ANKDD1B: variants seen among roughly 807,000 people sequenced by gnomAD.
ANKDD1B encodes ankyrin repeat and death domain-containing protein 1B.
In ANKDD1B, 57 loss-of-function variants were observed where a neutral mutation model predicts 59.7. The ratio of observed to expected loss-of-function variants is 0.95; its 90% CI spans 0.77 to 1.19. ANKDD1B has a LOEUF of 1.19. ANKDD1B is among the 50% of genes most tolerant of loss of function. The pLI, the probability that ANKDD1B is intolerant of heterozygous loss-of-function variation, is 0.00. For missense variants in ANKDD1B, 602 were observed against 641.9 expected (o/e 0.94, Z 0.67); for synonymous variants, 216 against 239.5 (o/e 0.90, Z 0.91).
At position 75,625,756 on chromosome 5, in the gene ANKDD1B, G is replaced by A; in HGVS notation, c.495+11G>A. The A allele has an allele frequency of 6.5e-7, 1 of 1,535,284 alleles. No homozygotes were observed. Among genetic ancestry groups the A allele is most frequent in the Non-Finnish European group, 8.7e-7 (1 of 1,145,980 alleles). On this transcript the variant is annotated intron_variant, in intron 4 of 13. Transcript: ENST00000601380. ...AGAGCCAAGAATCAGGTAGGTATGTGGGTCACACCTGGACAAAAGCTCTTA... is the reference window on the plus strand; with the variant it reads ...AGAGCCAAGAATCAGGTAGGTATGTAGGTCACACCTGGACAAAAGCTCTTA...
At chr5:75,626,290 T>C (rs2112966177) in intron 5 of ANKDD1B, among the ~76,000 whole-genome samples, 1 of 152,324 alleles carries the variant, frequency 6.6e-6, no homozygotes, top group South Asian at 2.1e-4. Context: ...TACTTGGCCT[T>C]TTGGGAATAT....
chr5:75,623,148 G>T (rs988616343), intron 3 of ANKDD1B, among the ~76,000 whole-genome samples: 1 of 151,920 alleles, frequency 6.6e-6, no homozygotes, highest in African/African-American at 2.4e-5. Flanking sequence ...GCGCAATCTT[G>T]GCTTGCCGCA....
chr5:75,659,341 C>T lies in ANKDD1B; in HGVS notation c.1055C>T (p.Thr352Ile). 3 of 1,536,100 alleles carry T rather than the reference C, an allele frequency of 2.0e-6. No homozygotes were observed. The highest frequency in any genetic ancestry group is 1.7e-6 in the Non-Finnish European group (2 of 1,146,878). Reference protein sequence around the residue: ...ADRGNVELVETLLKAGCDLKA... With the variant: ...ADRGNVELVEILLKAGCDLKA... ...CGTGGAAATGTGGAACTGGTGGAAA[C>T]CCTGCTGAAGGCAGGCTGTGACTTG... Residue 352 changes from threonine (T) to isoleucine (I), a missense_variant, in exon 10 of 14, where the codon ACC becomes ATC. By Grantham distance (89) the Thr-to-Ile change is moderately conservative (BLOSUM62 -1). Around this residue, in one of 3 missense-constraint regions of ANKDD1B, gnomAD observed 280 missense variants for 319.8 expected, o/e 0.88. Transcript: ENST00000601380.
At chr5:75,615,565 GCTA>G (rs931807799) in intron 1 of ANKDD1B, among the ~76,000 whole-genome samples, 1 of 151,998 alleles carries the variant, frequency 6.6e-6, no homozygotes, top group Non-Finnish European at 1.5e-5. Context: ...AGTTCTGGAG[GCTA>G]CAAGTCCAAC....
chr5:75,666,825 G>A lies in ANKDD1B; in HGVS notation c.1225G>A (p.Gly409Ser). Reference protein sequence around the residue: ...HHESIRDPSTGFTLTFKQDHS... With the variant: ...HHESIRDPSTSFTLTFKQDHS... ...TGAGAGCATCAGGGACCCGTCAACA[G>A]GCTTTACTCTGACATTCAAGCAAGA... The change falls in exon 12 of 14, where the codon GGC (glycine) becomes AGC (serine). Residue 409 changes from glycine (G) to serine (S), a missense_variant. Coordinates refer to ENST00000601380, the MANE Select transcript of ANKDD1B (RefSeq NM_001276713.2). 3 of 1,535,942 alleles carry A rather than the reference G, an allele frequency of 2.0e-6. No homozygotes were observed. Among genetic ancestry groups the A allele is most frequent in the Non-Finnish European group, 2.6e-6 (3 of 1,146,830 alleles).
chr5:75,662,056 C>T (rs1427019700), intron 10 of ANKDD1B, among the ~76,000 whole-genome samples: 5 of 152,052 alleles, frequency 3.3e-5, no homozygotes, highest in African/African-American at 4.8e-5. Flanking sequence ...TCAAAAAGCT[C>T]TCAGAGAACC....
intron 5 of ANKDD1B, among the ~76,000 whole-genome samples, chr5:75,631,729 T>C (rs1774165969): frequency 6.6e-6 from 1 of 152,206 alleles, no homozygotes; most frequent in African/African-American, 2.4e-5. Context: ...CTGTAATTTG[T>C]GCCCACATCT....
chr5:75,632,004 G>A (rs543320795), intron 5 of ANKDD1B, among the ~76,000 whole-genome samples: 101 of 151,700 alleles, frequency 6.7e-4, no homozygotes, highest in Non-Finnish European at 1.2e-3. Flanking sequence ...TTACTTAGGA[G>A]GCTGACGCAG....
intron 12 of ANKDD1B, 69 bp from the exon 13 acceptor site, chr5:75,669,183 A>G: frequency 8.2e-7 from 1 of 1,224,872 alleles, no homozygotes. Flanking sequence ...TTTAGTTGGA[A>G]CTGAGATCAC....
chr5:75,632,106 CAAAA>C (rs529570814), intron 5 of ANKDD1B, among the ~76,000 whole-genome samples: 2 of 76,842 alleles, frequency 2.6e-5, no homozygotes, highest in Non-Finnish European at 2.7e-5. Context: ...AACTCTGTCT[CAAAA>C]AAAAAAAAAA....
At chr5:75,662,968 C>T (rs1775199061) in intron 10 of ANKDD1B, among the ~76,000 whole-genome samples, 1 of 152,168 alleles carries the variant, frequency 6.6e-6, no homozygotes, top group African/African-American at 2.4e-5. Flanking sequence ...ATGGCTTCTA[C>T]TTCCTGGTCT....
Position 75,611,515 on chromosome 5 carries a change from T to TGCCTGCGTCCAGCCCC in ANKDD1B, c.-119_-104dup, listed in dbSNP as rs1461148015. ...ATCCTGCGCTCCGGCCGGGCTGACC[T>TGCCTGCGTCCAGCCCC]GCCTGCGTCCAGCCCCCGCGCCCTG... On this transcript the variant is annotated 5_prime_UTR_variant, in exon 1 of 14. Transcript: ENST00000601380. 15 of 773,746 alleles carry TGCCTGCGTCCAGCCCC rather than the reference T, an allele frequency of 1.9e-5. No homozygotes were observed. Among genetic ancestry groups the TGCCTGCGTCCAGCCCC allele is most frequent in the Non-Finnish European group, 2.3e-5 (13 of 570,716 alleles). The allele number at this position is 773,746 out of a possible 1,614,324, so 47.9% of individuals were successfully genotyped here. A position where few individuals can be genotyped will look rare whatever the true frequency, so the allele number is the denominator to read the frequency against.
rs57852660 is a variant in ANKDD1B, at chr5:75,626,782, G to GT, written c.600+839dup. On this transcript the variant is annotated intron_variant, in intron 5 of 13. Coordinates refer to ENST00000601380, the MANE Select transcript of ANKDD1B (RefSeq NM_001276713.2). ...CCCGGAATATCTCCCTCTAGGCCTTGTTTTTTTTTTTTGTTTGTTTGTTTT... is the reference window on the plus strand; with the variant it reads ...CCCGGAATATCTCCCTCTAGGCCTTGTTTTTTTTTTTTTGTTTGTTTGTTTT... Among the ~76,000 whole-genome samples, 288 of 146,526 alleles carry GT rather than the reference G, an allele frequency of 2.0e-3. 1 individual carries two copies. Among genetic ancestry groups the GT allele is most frequent in the East Asian group, 4.6e-3 (23 of 5,016 alleles).
At position 75,635,794 on chromosome 5, in the gene ANKDD1B, C is replaced by G; in HGVS notation, c.710C>G (p.Thr237Ser). The G allele has an allele frequency of 6.5e-7, 1 of 1,530,666 alleles. No individual in the cohort carries two copies. Among genetic ancestry groups the G allele is most frequent in the Non-Finnish European group, 8.8e-7 (1 of 1,142,692 alleles). The allele number at this position is 1,530,666 out of a possible 1,614,324, so 94.8% of individuals were successfully genotyped here. ...HTSEKDKGGN[T>S]ALHLAAKHGH... ...GTGTCTCTGTTGCAGGGGGGAAACA[C>G]TGCCTTGCACCTCGCTGCGAAGCAT... Residue 237 changes from threonine (T) to serine (S), a missense_variant, in exon 7 of 14, where the codon ACT (threonine) becomes AGT (serine). Thr to Ser is a moderately conservative substitution (Grantham distance 58). This residue lies in a region of ANKDD1B where 317 missense variants were observed against 304.6 expected (regional missense o/e 1.04). Coordinates refer to ENST00000601380, the MANE Select transcript of ANKDD1B (RefSeq NM_001276713.2).
chr5:75,666,804 A>G lies in ANKDD1B; in HGVS notation c.1204A>G (p.Ser402Gly). ...ATTTTCACTTTAGGAGCATCATGAGAGCATCAGGGACCCGTCAACAGGCTT... is the reference window on the plus strand; with the variant it reads ...ATTTTCACTTTAGGAGCATCATGAGGGCATCAGGGACCCGTCAACAGGCTT... Reference protein sequence around the residue: ...YYAWREEHHESIRDPSTGFTL... With the variant: ...YYAWREEHHEGIRDPSTGFTL... The change falls in exon 12 of 14, where the codon AGC becomes GGC. Residue 402 changes from serine (S) to glycine (G), a missense_variant. Coordinates refer to ENST00000601380, the MANE Select transcript of ANKDD1B (RefSeq NM_001276713.2). The G allele has an allele frequency of 6.5e-7, 1 of 1,535,012 alleles. No individual in the cohort carries two copies. Among genetic ancestry groups the G allele is most frequent in the Non-Finnish European group, 8.7e-7 (1 of 1,145,980 alleles).
chr5:75,635,598 T>C (rs954336294), intron 6 of ANKDD1B, 186 bp from the exon 7 acceptor site: 1 of 400,510 alleles, frequency 2.5e-6, no homozygotes, highest in African/African-American at 2.1e-5. Flanking sequence ...CAAAAAACTA[T>C]ACCTTTTTAT....
At chr5:75,648,843 T>A (rs997171591) in intron 7 of ANKDD1B, among the ~76,000 whole-genome samples, 1 of 152,206 alleles carries the variant, frequency 6.6e-6, no homozygotes, top group African/African-American at 2.4e-5. Flanking sequence ...GATTGCTGTG[T>A]TTGATCTTGG....
intron 13 of ANKDD1B, among the ~76,000 whole-genome samples, chr5:75,670,037 G>T (rs936935612): frequency 6.6e-6 from 1 of 152,228 alleles, no homozygotes; most frequent in African/African-American, 2.4e-5. Context: ...GAAGATAAAT[G>T]AGTGAACACC....
At chr5:75,659,167 A>C in intron 9 of ANKDD1B, 116 bp from the exon 10 acceptor site, 1 of 712,566 alleles carries the variant, frequency 1.4e-6, no homozygotes, top group Non-Finnish European at 2.5e-6. Context: ...TGAATGCCCC[A>C]GTATCCATTA....
Sources: allele counts gnomAD v4.1 joint callset (sites outside exome capture counted in the v4.1 genomes callset), GRCh38; gene constraint gnomAD v4.1.1; regional missense constraint gnomAD v4.1.1; transcripts MANE v1.5; gene names NCBI Gene and HGNC (gene_info 2026-07-23, HGNC 2026-07-21).